NKAIN2: variants seen among roughly 807,000 people sequenced by gnomAD.
NKAIN2 encodes the protein sodium/potassium-transporting ATPase subunit beta-1-interacting protein 2.
NKAIN2 carries 14 observed loss-of-function variants against 32.6 expected under a neutral mutation model. The observed-to-expected ratio is 0.43, with a 90% CI of 0.28 to 0.67. The LOEUF (loss-of-function observed/expected upper bound fraction) is 0.67, where lower values mean the gene tolerates loss of function less well. Among genes scored for constraint, NKAIN2 ranks in the 30% least tolerant of loss-of-function variants. NKAIN2 has a pLI of 0.17. For synonymous variants in NKAIN2, 80 were observed against 87.2 expected (o/e 0.92, Z 0.46); for missense variants, 198 against 258.3 (o/e 0.77, Z 1.60).
chr6:124,053,277 C>T (rs1041715730), intron 1 of NKAIN2, among the ~76,000 whole-genome samples: 3 of 151,528 alleles, frequency 2.0e-5, no homozygotes, highest in Non-Finnish European at 2.9e-5. Flanking sequence ...ACAATGTGTG[C>T]GACAATACAA....
chr6:124,435,472 T>G (rs757378357), intron 3 of NKAIN2, among the ~76,000 whole-genome samples: 10 of 152,196 alleles, frequency 6.6e-5, no homozygotes, highest in Non-Finnish European at 1.2e-4. Flanking sequence ...GTATATGTAT[T>G]AAATCTTTCG....
intron 1 of NKAIN2, among the ~76,000 whole-genome samples, chr6:123,817,756 T>C (rs1773753853): frequency 6.6e-6 from 1 of 152,012 alleles, no homozygotes; most frequent in Non-Finnish European, 1.5e-5. Context: ...AGCAGGCACA[T>C]GAATAGTGGG....
intron 3 of NKAIN2, among the ~76,000 whole-genome samples, chr6:124,464,384 C>T (rs1776656599): frequency 6.6e-6 from 1 of 151,348 alleles, no homozygotes; most frequent in South Asian, 2.1e-4. Context: ...GTCATTATTG[C>T]CATTTTTTTT....
intron 1 of NKAIN2, among the ~76,000 whole-genome samples, chr6:123,920,830 A>G (rs993478773): frequency 6.6e-6 from 1 of 152,210 alleles, no homozygotes; most frequent in Non-Finnish European, 1.5e-5. Flanking sequence ...TCAAAGAATT[A>G]TCTTCATAAG....
intron 1 of NKAIN2, among the ~76,000 whole-genome samples, chr6:124,002,645 G>C (rs1043547483): frequency 6.6e-6 from 1 of 152,090 alleles, no homozygotes; most frequent in African/African-American, 2.4e-5. Flanking sequence ...CTGGCCTGGC[G>C]ATGGCACTCA....
chr6:124,141,466 T>G (rs1025287194), intron 1 of NKAIN2, among the ~76,000 whole-genome samples: 1 of 152,072 alleles, frequency 6.6e-6, no homozygotes, highest in Non-Finnish European at 1.5e-5. Flanking sequence ...AGCTTATAGG[T>G]CTGCGTTTTT....
intron 1 of NKAIN2, among the ~76,000 whole-genome samples, chr6:123,899,205 T>C (rs1774439777): frequency 6.6e-6 from 1 of 152,190 alleles, no homozygotes; most frequent in Admixed American, 6.5e-5. Context: ...GACTACTGAG[T>C]TGTGAGGGTG....
At chr6:124,553,817 T>G (rs1382513413) in intron 3 of NKAIN2, among the ~76,000 whole-genome samples, 1 of 152,202 alleles carries the variant, frequency 6.6e-6, no homozygotes, top group Non-Finnish European at 1.5e-5. Flanking sequence ...GCAAACATTG[T>G]TTTCCTGGGG....
chr6:123,909,415 T>C (rs1775054094), intron 1 of NKAIN2, among the ~76,000 whole-genome samples: 1 of 152,070 alleles, frequency 6.6e-6, no homozygotes, highest in African/African-American at 2.4e-5. Context: ...AAAACGAATA[T>C]CCTTGAGAGA....
At chr6:124,733,536 A>G (rs1242838143) in intron 4 of NKAIN2, among the ~76,000 whole-genome samples, 1 of 151,934 alleles carries the variant, frequency 6.6e-6, no homozygotes, top group Non-Finnish European at 1.5e-5. Flanking sequence ...GTTCCATGTT[A>G]GCAATGTTAG....
intron 1 of NKAIN2, among the ~76,000 whole-genome samples, chr6:124,118,521 C>T (rs1421359081): frequency 6.6e-6 from 1 of 151,968 alleles, no homozygotes; most frequent in Non-Finnish European, 1.5e-5. Context: ...TTCCAGTTCT[C>T]GTAGGGAGCA....
chr6:124,275,391 A>T (rs115192028), intron 1 of NKAIN2, among the ~76,000 whole-genome samples: 1 of 152,130 alleles, frequency 6.6e-6, no homozygotes, highest in Admixed American at 6.6e-5. Flanking sequence ...TTATGAGAAA[A>T]TGCACTTCTT....
intron 4 of NKAIN2, among the ~76,000 whole-genome samples, chr6:124,779,133 G>C (rs1779120983): frequency 6.6e-6 from 1 of 151,840 alleles, no homozygotes; most frequent in Admixed American, 6.6e-5. Flanking sequence ...CCAGATACTT[G>C]GGAGGTTTTG....
intron 3 of NKAIN2, among the ~76,000 whole-genome samples, chr6:124,620,755 C>T (rs1392911002): frequency 6.6e-6 from 1 of 152,128 alleles, no homozygotes; most frequent in Non-Finnish European, 1.5e-5. Context: ...AAATAACAAG[C>T]TCAAAAGCTT....
chr6:124,282,692 T>A (rs2114920416), intron 1 of NKAIN2, among the ~76,000 whole-genome samples: 1 of 152,344 alleles, frequency 6.6e-6, no homozygotes, highest in East Asian at 1.9e-4. Flanking sequence ...GGTTGATGAC[T>A]TCAAATGTTT....
In NKAIN2 at chr6:123,848,510, G is replaced by C. The variant is rs1176121787; in HGVS notation, c.54+44256G>C. On this transcript the variant is annotated intron_variant, in intron 1 of 6. Transcript: ENST00000368417. Reference sequence around the variant, plus strand: ...TTTTATAAGGGACTTTTCACCCTTTGCTTGGAATTTCTCTCTCCTGCTGCC... The same window carrying C: ...TTTTATAAGGGACTTTTCACCCTTTCCTTGGAATTTCTCTCTCCTGCTGCC... 2.6e-5 allele frequency among the ~76,000 whole-genome samples: 4 copies of C among 152,160 alleles called. No individual in the cohort carries two copies. In the East Asian group the frequency reaches 7.7e-4, roughly 29 times the overall value.
chr6:123,961,233 T>C (rs1777834101), intron 1 of NKAIN2, among the ~76,000 whole-genome samples: 1 of 152,120 alleles, frequency 6.6e-6, no homozygotes, highest in African/African-American at 2.4e-5. Flanking sequence ...CTCTCCTGTG[T>C]CTCATTTTCT....
At chr6:124,068,116 A>C (rs903363575) in intron 1 of NKAIN2, among the ~76,000 whole-genome samples, 2 of 152,202 alleles carry the variant, frequency 1.3e-5, no homozygotes, top group African/African-American at 4.8e-5. Context: ...TGGAAGATCT[A>C]GGATAAAAAC....
chr6:124,032,809 GTTCC>G (rs1331028662), intron 1 of NKAIN2, among the ~76,000 whole-genome samples: 1 of 151,858 alleles, frequency 6.6e-6, no homozygotes, highest in East Asian at 1.9e-4. Context: ...GTATTGATCT[GTTCC>G]TTCATTGTAT....
Sources: allele counts gnomAD v4.1 joint callset (sites outside exome capture counted in the v4.1 genomes callset), GRCh38; gene constraint gnomAD v4.1.1; transcripts MANE v1.5; gene names NCBI Gene and HGNC (gene_info 2026-07-23, HGNC 2026-07-21).